Variants in FNDC1 observed in about 807,000 individuals in gnomAD.
The protein encoded by FNDC1 is fibronectin type III domain-containing protein 1.
Under a neutral mutation model 168.0 loss-of-function variants are expected in FNDC1, and 96 were observed. The observed-to-expected ratio is 0.57, with a 90% CI of 0.48 to 0.68. The LOEUF is 0.68. FNDC1 is among the 30% of genes least tolerant of loss of function. The pLI, the probability that FNDC1 is intolerant of heterozygous loss-of-function variation, is 0.00. For missense variants in FNDC1, 2,587 were observed against 2,482.1 expected (o/e 1.04, Z -0.90); for synonymous variants, 1,099 against 1,025.9 (o/e 1.07, Z -1.36).
At chr6:159,183,454 A>G (rs1297628559) in intron 1 of FNDC1, among the ~76,000 whole-genome samples, 1 of 152,220 alleles carries the variant, frequency 6.6e-6, no homozygotes, top group Non-Finnish European at 1.5e-5. Flanking sequence ...GATGTCAAGT[A>G]GACAGTTGGA....
intron 4 of FNDC1, among the ~76,000 whole-genome samples, chr6:159,212,653 G>A (rs1782631303): frequency 6.6e-6 from 1 of 152,146 alleles, no homozygotes; most frequent in Admixed American, 6.5e-5. Flanking sequence ...ATGTTGTCTA[G>A]GGAACAGTTC....
At position 159,232,750 on chromosome 6, in the gene FNDC1, T is replaced by C; in HGVS notation, c.2238T>C (p.Asp746=). 2.5e-6 allele frequency: 4 copies of C among 1,613,814 alleles called. No homozygotes were observed. Among genetic ancestry groups the C allele is most frequent in the South Asian group, 1.1e-5 (1 of 91,080 alleles). ...CTCCACTTTCCAAGGGCGGGAAGGA[T>C]GGTGAGGACGCCCCAGCCACCAACT... is the stretch of plus-strand genomic sequence containing the variant. The part of the protein sequence containing the change: ...LSSPLSKGGK[D]GEDAPATNSN... Residue 746 remains aspartate, a synonymous_variant, in exon 11 of 23, where the codon GAT becomes GAC. Coordinates refer to ENST00000297267, the MANE Select transcript of FNDC1 (RefSeq NM_032532.3). This position sits in a 1 kb window ranked among gnomAD's most constrained non-coding sequence, Gnocchi z 4.9.
rs777826615 is a variant in FNDC1, at chr6:159,202,665, C to T, written c.460+2084C>T. Among the ~76,000 whole-genome samples the T allele has an allele frequency of 1.1e-4, 17 of 152,296 alleles. 1 individual carries two copies. The highest frequency in any genetic ancestry group is 1.0e-3 in the South Asian group (5 of 4,826). On this transcript the variant is annotated intron_variant, in intron 4 of 22. Transcript: ENST00000297267. ...CTGCAGTTCTGATTCCAGAAGACCT[C>T]CTTTTGCAGGCTTACAGCTATCTCA...
Position 159,188,369 on chromosome 6 carries a change from CT to C in FNDC1, c.110-9039del, listed in dbSNP as rs61551779. ...AGGTGGTATCTGCCTCAATTTCTTT[CT>C]TTTTTTTTTTTTTTTTTTTTTTGAG... On this transcript the variant is annotated intron_variant, in intron 1 of 22. Transcript: ENST00000297267. Among the ~76,000 whole-genome samples the C allele has an allele frequency of 4.0e-3, 510 of 128,546 alleles. 1 individual carries two copies. The highest frequency in any genetic ancestry group is 9.8e-3 in the African/African-American group (362 of 37,128). The allele number at this position is 128,546 out of a possible 152,430, so 84.3% of individuals were successfully genotyped here.
intron 20 of FNDC1, 120 bp from the exon 21 acceptor site, chr6:159,265,964 A>T: frequency 2.7e-5 from 28 of 1,044,596 alleles, no homozygotes; most frequent in Non-Finnish European, 3.7e-5. Flanking sequence ...ACAAACAAAC[A>T]AACAAAAAGC....
Position 159,169,506 on chromosome 6 carries a change from C to A in FNDC1, c.-91C>A. The A allele has an allele frequency of 3.8e-6, 1 of 262,974 alleles. No homozygotes were observed. Among genetic ancestry groups the A allele is most frequent in the Non-Finnish European group, 6.3e-6 (1 of 159,056 alleles). 16.3% of individuals were successfully genotyped at this position (262,974 alleles called of 1,614,324 possible). A position where few individuals can be genotyped will look rare whatever the true frequency, so the allele number is the denominator to read the frequency against. On this transcript the variant is annotated 5_prime_UTR_variant, in exon 1 of 23. Transcript: ENST00000297267. This position sits in a 1 kb window ranked among gnomAD's most constrained non-coding sequence, Gnocchi z 6.8. ...CAGAACAGACGGACGGCGGCGGGGA[C>A]CCGACGGCGGCGCCTCGGCACTCCC...
chr6:159,185,140 A>G (rs1440898618), intron 1 of FNDC1, among the ~76,000 whole-genome samples: 1 of 151,738 alleles, frequency 6.6e-6, no homozygotes, highest in Non-Finnish European at 1.5e-5. Flanking sequence ...CAAAATGGCC[A>G]AGAACTTTAA....
chr6:159,169,624 C>A lies in FNDC1; in HGVS notation c.28C>A (p.Arg10Ser). Residue 10 changes from arginine to serine, a missense_variant, in exon 1 of 23, where the codon CGC (arginine) becomes AGC (serine). Transcript: ENST00000297267. The surrounding 1 kb of genome is among the most constrained non-coding windows in gnomAD (Gnocchi z 6.8). MAPEAGATL[R>S]APRRLSWAAL... ...GGCCCCCGAGGCCGGGGCGACCCTG[C>A]GCGCGCCGCGCCGGCTGTCCTGGGC... The A allele has an allele frequency of 8.8e-7, 1 of 1,137,764 alleles. No homozygotes were observed. Among genetic ancestry groups the A allele is most frequent in the Non-Finnish European group, 1.1e-6 (1 of 928,658 alleles). 70.5% of individuals were successfully genotyped at this position (1,137,764 alleles called of 1,614,324 possible).
Position 159,232,424 on chromosome 6 carries a change from A to G in FNDC1, c.1912A>G (p.Ser638Gly). ...CTCTCATCGTCCTTCCCTGCCTGCC[A>G]GCTTGAATGACAACGACTTGGTGGA... ...GTSHRPSLPA[S>G]LNDNDLVDSD... The change falls in exon 11 of 23, where the codon AGC becomes GGC. Residue 638 changes from serine (S) to glycine (G), a missense_variant. By Grantham distance (56) the Ser-to-Gly change is moderately conservative. Coordinates refer to ENST00000297267, the MANE Select transcript of FNDC1 (RefSeq NM_032532.3). The surrounding 1 kb of genome is among the most constrained non-coding windows in gnomAD (Gnocchi z 4.9). 1 of 1,611,812 alleles carries G rather than the reference A, an allele frequency of 6.2e-7. No individual in the cohort carries two copies. The highest frequency in any genetic ancestry group is 8.5e-7 in the Non-Finnish European group (1 of 1,178,474).
At chr6:159,227,843 C>T (rs1272096946) in intron 9 of FNDC1, among the ~76,000 whole-genome samples, 1 of 152,148 alleles carries the variant, frequency 6.6e-6, no homozygotes, top group Non-Finnish European at 1.5e-5. Flanking sequence ...GCATTAGTCT[C>T]ATAATATTTT....
At chr6:159,243,397 A>C (rs1040168403) in intron 14 of FNDC1, 4 of 152,234 alleles carry the variant, frequency 2.6e-5, no homozygotes, top group Non-Finnish European at 5.9e-5. Context: ...CCAACTGTAC[A>C]ATGTGCAAAT....
intron 6 of FNDC1, 28 bp downstream of exon 6, chr6:159,221,724 A>G (rs1356819557): frequency 1.3e-6 from 2 of 1,515,040 alleles, no homozygotes; most frequent in African/African-American, 2.7e-5. Context: ...CATTTGGTCA[A>G]ACCATAGTCT....
intron 1 of FNDC1, among the ~76,000 whole-genome samples, chr6:159,188,023 G>A (rs1782039984): frequency 6.6e-6 from 1 of 152,200 alleles, no homozygotes; most frequent in Non-Finnish European, 1.5e-5. Flanking sequence ...TGGTTACACT[G>A]AGATCTGTGT....
rs768790974 is a variant in FNDC1, at chr6:159,232,618, T to C, written c.2106T>C (p.His702=). 2 of 1,609,016 alleles carry C rather than the reference T, an allele frequency of 1.2e-6. No homozygotes were observed. Among genetic ancestry groups the C allele is most frequent in the South Asian group, 2.2e-5 (2 of 90,618 alleles). ...KPASPARRTP[H]SGAAEEDSSA... ...CCTCGCCGGCCCGGAGGACCCCCCA[T>C]TCAGGGGCCGCAGAGGAAGATTCCA... Residue 702 remains histidine (H), a synonymous_variant, in exon 11 of 23, where the codon CAT becomes CAC. Coordinates refer to ENST00000297267, the MANE Select transcript of FNDC1 (RefSeq NM_032532.3). The surrounding 1 kb of genome is among the most constrained non-coding windows in gnomAD (Gnocchi z 4.9).
At chr6:159,228,293 T>C (rs911621499) in intron 9 of FNDC1, among the ~76,000 whole-genome samples, 1 of 152,206 alleles carries the variant, frequency 6.6e-6, no homozygotes, top group African/African-American at 2.4e-5. Context: ...GGTGTAGTGG[T>C]GAGATTAAAA....
intron 4 of FNDC1, among the ~76,000 whole-genome samples, chr6:159,202,749 G>A (rs552369438): frequency 2.6e-5 from 4 of 152,248 alleles, no homozygotes; most frequent in Admixed American, 6.5e-5. Flanking sequence ...TATTACAGGC[G>A]GAGGTCTAGG....
chr6:159,228,762 G>A (rs1430589741), intron 9 of FNDC1, among the ~76,000 whole-genome samples: 1 of 152,006 alleles, frequency 6.6e-6, no homozygotes, highest in Non-Finnish European at 1.5e-5. Flanking sequence ...TGCAACCTCT[G>A]CCTCCAGGGT....
intron 22 of FNDC1, among the ~76,000 whole-genome samples, chr6:159,270,574 C>A (rs1419981840): frequency 6.6e-6 from 1 of 152,138 alleles, no homozygotes; most frequent in African/African-American, 2.4e-5. Flanking sequence ...GAAGGGCAGG[C>A]AGCTATTTAT....
rs748138917 is a variant in FNDC1, at chr6:159,236,207, C to T, written c.3968-8C>T. Reference sequence around the variant, plus strand: ...GGCTCTGTTATTTTTATTTTTGGTACTGTGTAGGTTATAATGGCAGACCAA... The same window carrying T: ...GGCTCTGTTATTTTTATTTTTGGTATTGTGTAGGTTATAATGGCAGACCAA... On this transcript the variant is annotated splice_polypyrimidine_tract_variant and splice_region_variant and intron_variant, in intron 11 of 22. Transcript: ENST00000297267. 15 of 1,600,164 alleles carry T rather than the reference C, an allele frequency of 9.4e-6. No homozygotes were observed. The highest frequency in any genetic ancestry group is 1.1e-5 in the South Asian group (1 of 89,608).
Sources: allele counts gnomAD v4.1 joint callset (sites outside exome capture counted in the v4.1 genomes callset), GRCh38; gene constraint gnomAD v4.1.1; non-coding constraint Gnocchi (gnomAD v3.1); transcripts MANE v1.5; gene names NCBI Gene and HGNC (gene_info 2026-07-23, HGNC 2026-07-21).